TMEM178B: variants seen among roughly 807,000 people sequenced by gnomAD.
TMEM178B encodes transmembrane protein 178B.
A neutral mutation model predicts 31.0 loss-of-function variants in TMEM178B; 5 were observed. The observed-to-expected ratio is 0.16, with a 90% confidence interval of 0.08 to 0.34. The LOEUF is 0.34. TMEM178B is among the 10% of genes least tolerant of loss of function. The pLI is 1.00. For missense variants in TMEM178B, 275 were observed against 400.3 expected (o/e 0.69, Z 2.67); for synonymous variants, 164 against 164.0 (o/e 1.00, Z 0.00).
chr7:141,390,788 T>A (rs1017726818), intron 2 of TMEM178B, among the ~76,000 whole-genome samples: 2 of 152,248 alleles, frequency 1.3e-5, no homozygotes, highest in African/African-American at 4.8e-5. Context: ...AGAAAATTTA[T>A]GCTTCTCTAC....
chr7:141,084,963 C>T (rs951978576), intron 1 of TMEM178B, among the ~76,000 whole-genome samples: 2 of 151,930 alleles, frequency 1.3e-5, no homozygotes, highest in Admixed American at 6.6e-5. Context: ...ATCGCAACCT[C>T]CGCCTCCCGG....
intron 2 of TMEM178B, among the ~76,000 whole-genome samples, chr7:141,385,080 G>A (rs1001506174): frequency 7.2e-5 from 11 of 151,998 alleles, no homozygotes; most frequent in Non-Finnish European, 1.3e-4. Context: ...AACATTCTTC[G>A]CTCCAACTAA....
chr7:141,081,060 TA>T (rs1371527226), intron 1 of TMEM178B, among the ~76,000 whole-genome samples: 2 of 152,108 alleles, frequency 1.3e-5, no homozygotes, highest in African/African-American at 4.8e-5. Context: ...CTTCTGCTTA[TA>T]AAAAAAAGTT....
At chr7:141,483,790 C>CAGTA (rs1802516740), downstream of TMEM178B, among the ~76,000 whole-genome samples, 1 of 150,210 alleles carries the variant, frequency 6.7e-6, no homozygotes, top group Non-Finnish European at 1.5e-5. Flanking sequence ...GGCTGGAGTG[C>CAGTA]AGTAGCACGA....
At chr7:141,164,006 G>A (rs1430058116) in intron 1 of TMEM178B, among the ~76,000 whole-genome samples, 1 of 152,122 alleles carries the variant, frequency 6.6e-6, no homozygotes, top group Non-Finnish European at 1.5e-5. Flanking sequence ...TAAGACATTT[G>A]TAACTCAGAT....
At chr7:141,135,497 A>G (rs1795661347) in intron 1 of TMEM178B, among the ~76,000 whole-genome samples, 1 of 152,212 alleles carries the variant, frequency 6.6e-6, no homozygotes, top group Non-Finnish European at 1.5e-5. Flanking sequence ...CCAAGTCTCA[A>G]TAAATTTTAA....
At chr7:141,438,157 C>T (rs188462530) in intron 3 of TMEM178B, among the ~76,000 whole-genome samples, 73 of 152,184 alleles carry the variant, frequency 4.8e-4, no homozygotes, top group Middle Eastern at 3.4e-3. Context: ...GGGCACTTTC[C>T]GTCCAAAAGT....
At chr7:141,075,792 T>A (rs1039745978) in intron 1 of TMEM178B, among the ~76,000 whole-genome samples, 1 of 152,232 alleles carries the variant, frequency 6.6e-6, no homozygotes, top group Non-Finnish European at 1.5e-5. Flanking sequence ...GGCCAAGATA[T>A]AAAAGCAGTT....
chr7:141,240,849 A>G (rs1308995445), intron 2 of TMEM178B, among the ~76,000 whole-genome samples: 2 of 151,916 alleles, frequency 1.3e-5, no homozygotes, highest in African/African-American at 2.4e-5. Flanking sequence ...GTGATTTGGT[A>G]TCTGCTAGCT....
intron 2 of TMEM178B, among the ~76,000 whole-genome samples, chr7:141,269,761 T>C (rs1798151685): frequency 6.6e-6 from 1 of 152,150 alleles, no homozygotes; most frequent in East Asian, 1.9e-4. Context: ...GAAGTTCTAC[T>C]ATAAGAGTTG....
chr7:141,319,991 C>A (rs1799070571), intron 2 of TMEM178B, among the ~76,000 whole-genome samples: 1 of 152,004 alleles, frequency 6.6e-6, no homozygotes, highest in Non-Finnish European at 1.5e-5. Context: ...AAATTGTAAT[C>A]CCCACATGTT....
chr7:141,104,052 A>G (rs1359490287), intron 1 of TMEM178B, among the ~76,000 whole-genome samples: 5 of 152,126 alleles, frequency 3.3e-5, no homozygotes, highest in Non-Finnish European at 5.9e-5. Flanking sequence ...AACCGAAAAA[A>G]CCATTCATGC....
At chr7:141,337,928 C>T (rs917378895) in intron 2 of TMEM178B, among the ~76,000 whole-genome samples, 2 of 152,080 alleles carry the variant, frequency 1.3e-5, no homozygotes, top group East Asian at 1.9e-4. Context: ...AGCTCTGCCT[C>T]CCGGGTTCAC....
At chr7:141,484,889 C>T (rs962584918), downstream of TMEM178B, among the ~76,000 whole-genome samples, 9 of 151,882 alleles carry the variant, frequency 5.9e-5, no homozygotes, top group African/African-American at 1.9e-4. The surrounding 1 kb of genome is among the most constrained non-coding windows in gnomAD (Gnocchi z 4.8). Flanking sequence ...ATAATGATCA[C>T]ATAGGACTTC....
At chr7:141,076,173 A>G (rs535338726) in intron 1 of TMEM178B, among the ~76,000 whole-genome samples, 1 of 152,336 alleles carries the variant, frequency 6.6e-6, no homozygotes, top group African/African-American at 2.4e-5. Flanking sequence ...TGTACAGAAT[A>G]TTAGGGGAGT....
rs537764796 is a variant in TMEM178B at position 141,083,460 on chromosome 7, T to A, written c.382+8768T>A. Among the ~76,000 whole-genome samples the A allele has an allele frequency of 8.3e-5, 10 of 120,966 alleles. No individual in the cohort carries two copies. The South Asian group carries it at 1.3e-3, about 16-fold the overall frequency. The allele number at this position is 120,966 out of a possible 152,430, so 79.4% of individuals were successfully genotyped here. A position where few individuals can be genotyped will look rare whatever the true frequency, so the allele number is the denominator to read the frequency against. The stretch of plus-strand genomic sequence containing the variant: ...AAAAGAGGGGCAAGGCAAAAGTTGA[T>A]GGGGGGTGGGAAGAGAAAGAGGAAG... On this transcript the variant is annotated intron_variant, in intron 1 of 3. Transcript: ENST00000565468.
chr7:141,342,019 C>T (rs1432029415), intron 2 of TMEM178B, among the ~76,000 whole-genome samples: 1 of 152,202 alleles, frequency 6.6e-6, no homozygotes, highest in East Asian at 1.9e-4. Flanking sequence ...GTGATCTCAG[C>T]TCACTGCAAC....
chr7:141,082,100 G>C (rs1032086386), intron 1 of TMEM178B, among the ~76,000 whole-genome samples: 1 of 152,194 alleles, frequency 6.6e-6, no homozygotes, highest in Non-Finnish European at 1.5e-5. Flanking sequence ...GTGTGTACTA[G>C]GCTACACCAT....
At chr7:141,256,060 CTCCATCCCTCCA>C (rs1021150504) in intron 2 of TMEM178B, among the ~76,000 whole-genome samples, 4 of 150,868 alleles carry the variant, frequency 2.7e-5, no homozygotes, top group African/African-American at 9.9e-5. Context: ...CCATCCATCC[CTCCATCCCTCCA>C]TCCATCCCTC....
Sources: gnomAD v4.1 joint callset for allele counts (sites outside exome capture counted in the v4.1 genomes callset) on GRCh38, gnomAD v4.1.1 for gene constraint, Gnocchi (gnomAD v3.1) non-coding constraint, MANE v1.5 for transcripts, NCBI Gene and HGNC (gene_info 2026-07-23, HGNC 2026-07-21) for gene names.